Variants in ZNF70 observed in about 807,000 individuals in gnomAD.
The protein encoded by ZNF70 is zinc finger protein 70.
ZNF70 carries 18 observed loss-of-function variants against 37.7 expected under a neutral mutation model. The observed-to-expected ratio is 0.48, with a 90% confidence interval of 0.33 to 0.71. The LOEUF is 0.71. ZNF70 is among the 30% of genes least tolerant of loss of function. ZNF70 has a pLI of 0.02. For missense variants in ZNF70, 506 were observed against 568.6 expected, an observed-to-expected ratio of 0.89 and a Z score of 1.12; for synonymous variants, 219 against 220.1, an observed-to-expected ratio of 0.99 and a Z score of 0.05.
chr22:23,748,787 C>T (rs1293207620), intron 1 of ZNF70, among the ~76,000 whole-genome samples: 10 of 151,930 alleles, frequency 6.6e-5, no homozygotes, highest in Admixed American at 4.6e-4. Context: ...TCAGGTGATC[C>T]GCCCACCTTG....
chr22:23,739,594 T>C lies in ZNF70; in HGVS notation c.*4206A>G, dbSNP rs1924814756. 1 of 150,564 alleles carries C rather than the reference T, an allele frequency of 6.6e-6. No homozygotes were observed. The highest frequency in any genetic ancestry group is 2.5e-5 in the African/African-American group (1 of 40,736). The allele number at this position is 150,564 out of a possible 1,614,324, so 9.3% of individuals were successfully genotyped here. On this transcript the variant is annotated 3_prime_UTR_variant, in exon 2 of 2. Coordinates refer to ENST00000341976, the MANE Select transcript of ZNF70 (RefSeq NM_021916.4). ...AGCCACCGCTCCCGGCTATTTTTTG[T>C]TTTTGTTGTTGTTGTTTTCCCCGAG...
At position 23,744,086 on chromosome 22, in the gene ZNF70, A is replaced by G. The variant is rs769387125; in HGVS notation, c.1055T>C (p.Ile352Thr). ...ACCGGTGTGGATGCGCTGGTGCTCA[A>G]TGAGGGAGGAGCTCTGGCTGAAGGC... ...GKAFSQSSSLIEHQRIHTGEK... is the reference protein window; with the variant it reads ...GKAFSQSSSLTEHQRIHTGEK... Residue 352 changes from isoleucine (I) to threonine (T), a missense_variant, in exon 2 of 2, where the codon ATT becomes ACT. Ile to Thr is a moderately conservative substitution (Grantham distance 89, BLOSUM62 -1). Transcript: ENST00000341976. 5.0e-6 allele frequency: 8 copies of G among 1,613,750 alleles called. No individual in the cohort carries two copies. The highest frequency in any genetic ancestry group is 2.2e-5 in the South Asian group (2 of 91,056).
Position 23,740,678 on chromosome 22 carries a change from G to C in ZNF70, c.*3122C>G, listed in dbSNP as rs1030912471. The C allele has an allele frequency of 5.0e-5, 7 of 138,980 alleles. No homozygotes were observed. The highest frequency in any genetic ancestry group is 1.6e-4 in the Admixed American group (2 of 12,766). The allele number at this position is 138,980 out of a possible 1,614,324, so 8.6% of individuals were successfully genotyped here. ...GGAGGCTGAGGCAGGAGAATCACTT[G>C]AACCCGGGAGGCAGAGGTTGCAGCA... is the stretch of plus-strand genomic sequence containing the variant. On this transcript the variant is annotated 3_prime_UTR_variant, in exon 2 of 2. Transcript: ENST00000341976.
Position 23,744,332 on chromosome 22 carries a change from T to A in ZNF70, c.809A>T (p.His270Leu). ...TTTCTTTAGGGTGTGGATCTTCCGA[T>A]GCTGGCTCAGGCCTGAGCTCTGGTT... ...SFNQSSGLSQ[H>L]RKIHTLKKPH... Residue 270 changes from histidine to leucine, a missense_variant, in exon 2 of 2, where the codon CAT (histidine) becomes CTT (leucine). Physicochemically the swap from His to Leu is moderately conservative, Grantham distance 99. Coordinates refer to ENST00000341976, the MANE Select transcript of ZNF70 (RefSeq NM_021916.4). 2.5e-6 allele frequency: 4 copies of A among 1,613,970 alleles called. No homozygotes were observed. The highest frequency in any genetic ancestry group is 3.4e-6 in the Non-Finnish European group (4 of 1,179,978).
At chr22:23,749,796 G>A (rs1249020923) in intron 1 of ZNF70, among the ~76,000 whole-genome samples, 1 of 151,746 alleles carries the variant, frequency 6.6e-6, no homozygotes, top group African/African-American at 2.4e-5. Flanking sequence ...CTCCTCTTCA[G>A]CAACCCATAA....
chr22:23,743,906 G>GT lies in ZNF70; in HGVS notation c.1234dup (p.Thr412AsnfsTer67). ...CACGTAGGGCTTCTCTCTGGTGTGG[G>GT]TTTTATAGTGCTCAATGAGGGCTGA... On this transcript the variant is annotated frameshift_variant, in exon 2 of 2. Transcript: ENST00000341976. LOFTEE classifies it high-confidence loss of function. 1 of 1,613,078 alleles carries GT rather than the reference G, an allele frequency of 6.2e-7. No individual in the cohort carries two copies. The highest frequency in any genetic ancestry group is 1.3e-5 in the African/African-American group (1 of 74,966).
intron 1 of ZNF70, among the ~76,000 whole-genome samples, chr22:23,749,527 C>CAAAAAAAA (rs61374101): frequency 4.1e-5 from 1 of 24,110 alleles, no homozygotes; most frequent in African/African-American, 1.4e-4. Flanking sequence ...GACTCCGTCT[C>CAAAAAAAA]AAAAAAAAAA....
At position 23,744,679 on chromosome 22, in the gene ZNF70, G is replaced by A; in HGVS notation, c.462C>T (p.His154=). 6.2e-7 allele frequency: 1 copy of A among 1,612,986 alleles called. No individual in the cohort carries two copies. Among genetic ancestry groups the A allele is most frequent in the Non-Finnish European group, 8.5e-7 (1 of 1,179,628 alleles). The change falls in exon 2 of 2, where the codon CAC becomes CAT. Residue 154 remains histidine (H), a synonymous_variant. Coordinates refer to ENST00000341976, the MANE Select transcript of ZNF70 (RefSeq NM_021916.4). ...TGTGGATCACCAGGTGTCGGAGCAGGTGCGAGCTCTGGCTGAAGGCCTTCC... is the reference window on the plus strand; with the variant it reads ...TGTGGATCACCAGGTGTCGGAGCAGATGCGAGCTCTGGCTGAAGGCCTTCC... ...ECGKAFSQSS[H]LLRHLVIHTG... is the part of the protein sequence containing the mutation.
rs1171752678 is a variant in ZNF70, at chr22:23,740,772, A to C, written c.*3028T>G. The stretch of plus-strand genomic sequence containing the variant: ...ACTCTGTCTCAAAAAAAAAAAAAAA[A>C]AAAAAAAAACTAATAAAACAAGGAA... On this transcript the variant is annotated 3_prime_UTR_variant, in exon 2 of 2. Coordinates refer to ENST00000341976, the MANE Select transcript of ZNF70 (RefSeq NM_021916.4). 6.6e-6 allele frequency: 1 copy of C among 151,846 alleles called. No individual in the cohort carries two copies. The highest frequency in any genetic ancestry group is 1.5e-5 in the Non-Finnish European group (1 of 68,194). The allele number at this position is 151,846 out of a possible 1,614,324, so 9.4% of individuals were successfully genotyped here. A position where few individuals can be genotyped will look rare whatever the true frequency, so the allele number is the denominator to read the frequency against.
Position 23,751,082 on chromosome 22 carries a change from C to G in ZNF70, c.-451G>C, listed in dbSNP as rs1925314814. The G allele has an allele frequency of 6.6e-6, 1 of 151,958 alleles. No homozygotes were observed. The highest frequency in any genetic ancestry group is 1.9e-4 in the East Asian group (1 of 5,170). 9.4% of individuals were successfully genotyped at this position (151,958 alleles called of 1,614,324 possible). On this transcript the variant is annotated 5_prime_UTR_variant, in exon 1 of 2. Transcript: ENST00000341976. ...TCCAACCCGCGGCCGACGCGGCCGA[C>G]GCTGCCTGGCTCCACAGCAGCTGCT...
In ZNF70 at chr22:23,744,865, T is replaced by A. The variant is rs757430883; in HGVS notation, c.276A>T (p.Gly92=). 1 of 1,614,202 alleles carries A rather than the reference T, an allele frequency of 6.2e-7. No homozygotes were observed. ...GGTCGGATTTCTGGAGGAAGGTTTG[T>A]CCGAAGAGCTCATCATCCTGGGGTC... ...GTRPQDDELF[G]QTFLQKSDLS... The change falls in exon 2 of 2, where the codon GGA becomes GGT. Residue 92 remains glycine, a synonymous_variant. Coordinates refer to ENST00000341976, the MANE Select transcript of ZNF70 (RefSeq NM_021916.4).
At chr22:23,750,245 T>C (rs1569136751) in intron 1 of ZNF70, among the ~76,000 whole-genome samples, 1 of 152,164 alleles carries the variant, frequency 6.6e-6, no homozygotes, top group South Asian at 2.1e-4. Flanking sequence ...AGGTTGCAAA[T>C]TGGCAGCCTG....
Position 23,745,320 on chromosome 22 carries a change from A to G in ZNF70, c.-79-101T>C, listed in dbSNP as rs568906244. 29 of 667,376 alleles carry G rather than the reference A, an allele frequency of 4.3e-5. No individual in the cohort carries two copies. In the East Asian group the frequency reaches 5.2e-4, roughly 12 times the overall value. 41.3% of individuals were successfully genotyped at this position (667,376 alleles called of 1,614,324 possible). A position where few individuals can be genotyped will look rare whatever the true frequency, so the allele number is the denominator to read the frequency against. On this transcript the variant is annotated intron_variant, in intron 1 of 1. Coordinates refer to ENST00000341976, the MANE Select transcript of ZNF70 (RefSeq NM_021916.4). ...CTATGGTAGAAACAAGAAAATACGC[A>G]TAAGACACAATCTTGCCCTTAAGAT...
chr22:23,746,648 A>G lies in ZNF70; in HGVS notation c.-79-1429T>C, dbSNP rs1601321148. Reference sequence around the variant, plus strand: ...TTGCCCGTTGCCCAGGCTGGAGTATAGTGGTGTGATCTTGGCTCACTGCAA... The same window carrying G: ...TTGCCCGTTGCCCAGGCTGGAGTATGGTGGTGTGATCTTGGCTCACTGCAA... On this transcript the variant is annotated intron_variant, in intron 1 of 1. Coordinates refer to ENST00000341976, the MANE Select transcript of ZNF70 (RefSeq NM_021916.4). Among the ~76,000 whole-genome samples, 4 of 151,980 alleles carry G rather than the reference A, an allele frequency of 2.6e-5. No individual in the cohort carries two copies. The East Asian group carries it at 5.8e-4, about 22-fold the overall frequency.
intron 1 of ZNF70, among the ~76,000 whole-genome samples, chr22:23,749,975 C>G (rs1925270079): frequency 6.6e-6 from 1 of 152,202 alleles, no homozygotes; most frequent in Admixed American, 6.6e-5. Context: ...CCATGCTCCT[C>G]ACCTCCTCGT....
At chr22:23,747,755 T>G (rs1312248050) in intron 1 of ZNF70, among the ~76,000 whole-genome samples, 2 of 151,772 alleles carry the variant, frequency 1.3e-5, no homozygotes, top group African/African-American at 4.8e-5. Flanking sequence ...TGGCGTGAAC[T>G]CAGGAGGCAG....
chr22:23,746,735 C>A (rs957971129), intron 1 of ZNF70, among the ~76,000 whole-genome samples: 2 of 152,108 alleles, frequency 1.3e-5, no homozygotes, highest in African/African-American at 4.8e-5. Flanking sequence ...CAAGTGTATG[C>A]CACCACACTC....
Position 23,745,048 on chromosome 22 carries a change from C to A in ZNF70, c.93G>T (p.Leu31=). ...SQQGLFPGED[L]GDPFLQERGL... ...CTCTTTCCTGAAGAAAAGGGTCCCC[C>A]AGGTCCTCCCCTGGGAAAAGCCCTT... is the stretch of plus-strand genomic sequence containing the variant. Residue 31 remains leucine (L), a synonymous_variant, in exon 2 of 2, where the codon CTG becomes CTT. Transcript: ENST00000341976. 1 of 1,614,238 alleles carries A rather than the reference C, an allele frequency of 6.2e-7. No homozygotes were observed. The highest frequency in any genetic ancestry group is 8.5e-7 in the Non-Finnish European group (1 of 1,180,052).
chr22:23,749,897 C>A lies in ZNF70; in HGVS notation c.-80+814G>T, dbSNP rs1925267146. 2.0e-5 allele frequency among the ~76,000 whole-genome samples: 3 copies of A among 152,092 alleles called. No homozygotes were observed. In the South Asian group the frequency reaches 6.2e-4, roughly 32 times the overall value. On this transcript the variant is annotated intron_variant, in intron 1 of 1. Coordinates refer to ENST00000341976, the MANE Select transcript of ZNF70 (RefSeq NM_021916.4). ...TTACTGTAGTTCTCCTTTTCTAGCT[C>A]CACCCCTTCTCCATCCAGCTTAGAC...
Sources: allele counts gnomAD v4.1 joint callset (sites outside exome capture counted in the v4.1 genomes callset), GRCh38; gene constraint gnomAD v4.1.1; transcripts MANE v1.5; gene names NCBI Gene and HGNC (gene_info 2026-07-23, HGNC 2026-07-21).